Variants in VASH1 observed in about 807,000 individuals in gnomAD.
VASH1 encodes the protein tubulinyl-Tyr carboxypeptidase 1.
In VASH1, 16 loss-of-function variants were observed where a neutral mutation model predicts 35.0. The observed-to-expected ratio is 0.46, with a 90% confidence interval of 0.31 to 0.70. VASH1 has a LOEUF of 0.70. VASH1 is among the 30% of genes least tolerant of loss of function. The probability of loss-of-function intolerance (pLI) is 0.05; values close to 1 mark genes in which losing one functional copy is unlikely to be tolerated. For synonymous variants in VASH1, 214 were observed against 200.9 expected (o/e 1.07, Z -0.55); for missense variants, 505 against 510.7 (o/e 0.99, Z 0.11).
intron 3 of VASH1, 82 bp from the exon 4 acceptor site, chr14:76,773,055 G>A: frequency 7.2e-7 from 1 of 1,394,378 alleles, no homozygotes; most frequent in Non-Finnish European, 1.0e-6. Flanking sequence ...AGCATTTCTA[G>A]TCCACCCTGC....
chr14:76,771,297 T>C, intron 3 of VASH1, 51 bp downstream of exon 3: 1 of 1,536,890 alleles, frequency 6.5e-7, no homozygotes, highest in Non-Finnish European at 8.8e-7. Flanking sequence ...TGGAGCTTCT[T>C]GAAAGCCCTA....
chr14:76,780,457 T>G lies in VASH1; in HGVS notation c.*1439T>G, dbSNP rs926422901. 1 of 152,348 alleles carries G rather than the reference T, an allele frequency of 6.6e-6. No homozygotes were observed. Among genetic ancestry groups the G allele is most frequent in the African/African-American group, 2.4e-5 (1 of 41,434 alleles). The allele number at this position is 152,348 out of a possible 1,614,324, so 9.4% of individuals were successfully genotyped here. ...AAGGTTTTGTTTTACTGAGAGGCTG[T>G]AAGTCTGCCAGGGACAGCTGTCAGT... On this transcript the variant is annotated 3_prime_UTR_variant, in exon 7 of 7. Transcript: ENST00000167106.
chr14:76,765,148 A>G (rs1394686912), intron 1 of VASH1, among the ~76,000 whole-genome samples: 1 of 152,150 alleles, frequency 6.6e-6, no homozygotes, highest in Non-Finnish European at 1.5e-5. Flanking sequence ...TCAGGCCATA[A>G]AAGAGTGTGA....
At chr14:76,769,147 G>A in intron 1 of VASH1, 1 of 436,944 alleles carries the variant, frequency 2.3e-6, no homozygotes. Context: ...AGCTGTTCTT[G>A]ACCTTACCCC....
intron 1 of VASH1, among the ~76,000 whole-genome samples, chr14:76,764,580 T>C (rs536081789): frequency 1.3e-5 from 2 of 152,284 alleles, no homozygotes; most frequent in African/African-American, 4.8e-5. Context: ...AGTTTTCTTA[T>C]CAATAAGATG....
chr14:76,770,847 C>T (rs1893775244), intron 2 of VASH1, among the ~76,000 whole-genome samples: 1 of 152,176 alleles, frequency 6.6e-6, no homozygotes, highest in African/African-American at 2.4e-5. Flanking sequence ...TGAGTTGGAC[C>T]CCCTACCCTA....
intron 5 of VASH1, among the ~76,000 whole-genome samples, chr14:76,777,377 C>G (rs918104774): frequency 6.6e-6 from 1 of 152,232 alleles, no homozygotes; most frequent in Non-Finnish European, 1.5e-5. Flanking sequence ...GGGTGAGAGC[C>G]AACAGTTCCC....
At position 76,762,955 on chromosome 14, in the gene VASH1, C is replaced by T. The variant is rs1893543094; in HGVS notation, c.134C>T (p.Pro45Leu). 1 of 1,562,084 alleles carries T rather than the reference C, an allele frequency of 6.4e-7. No individual in the cohort carries two copies. The highest frequency in any genetic ancestry group is 1.7e-4 in the Middle Eastern group (1 of 5,980). ...ACCTCAGCCCAGAGAGATGAGGAGC[C>T]AGAAGAGGAAGGGGAAGAGGACCTG... ...EGTSAQRDEE[P>L]EEEGEEDLRD... Residue 45 changes from proline to leucine, a missense_variant, in exon 1 of 7, where the codon CCA becomes CTA. Physicochemically the swap from Pro to Leu is moderately conservative, Grantham distance 98. Coordinates refer to ENST00000167106, the MANE Select transcript of VASH1 (RefSeq NM_014909.5).
At chr14:76,769,814 G>T in intron 1 of VASH1, 149 bp from the exon 2 acceptor site, 1 of 792,310 alleles carries the variant, frequency 1.3e-6, no homozygotes, top group South Asian at 1.5e-5. Context: ...GAATGAGTGG[G>T]GTGCCAAGAA....
chr14:76,778,196 A>C, intron 6 of VASH1, 125 bp downstream of exon 6: 1 of 688,956 alleles, frequency 1.5e-6, no homozygotes, highest in Admixed American at 4.4e-5. Context: ...CACCCAAGGG[A>C]GGTGACTTGG....
intron 5 of VASH1, 22 bp downstream of exon 5, chr14:76,776,295 T>C: frequency 6.8e-7 from 1 of 1,473,406 alleles, no homozygotes; most frequent in Non-Finnish European, 9.1e-7. Context: ...TTCCACGCCC[T>C]CGCCCCCTCC....
chr14:76,765,835 C>T (rs1893627990), intron 1 of VASH1, among the ~76,000 whole-genome samples: 1 of 152,182 alleles, frequency 6.6e-6, no homozygotes, highest in Non-Finnish European at 1.5e-5. Flanking sequence ...CACTCACCTA[C>T]CAGGCCTGCC....
intron 3 of VASH1, among the ~76,000 whole-genome samples, chr14:76,771,855 AG>A (rs1893803034): frequency 6.6e-6 from 1 of 152,176 alleles, no homozygotes; most frequent in Non-Finnish European, 1.5e-5. Flanking sequence ...TGAAGCCCCG[AG>A]GGCAGAGGAG....
intron 4 of VASH1, chr14:76,773,763 T>G (rs1267497100): frequency 6.5e-6 from 1 of 154,518 alleles, no homozygotes; most frequent in Admixed American, 6.5e-5. Flanking sequence ...CAGGAGAGGC[T>G]GTCCTCCCCA....
At chr14:76,767,244 C>CAATAAACAAATAAATA (rs1555358671) in intron 1 of VASH1, among the ~76,000 whole-genome samples, 1 of 136,222 alleles carries the variant, frequency 7.3e-6, no homozygotes. Context: ...AACTCTGTCT[C>CAATAAACAAATAAATA]AATAAATAAA....
intron 1 of VASH1, among the ~76,000 whole-genome samples, chr14:76,766,880 C>T (rs1378960462): frequency 6.6e-6 from 1 of 152,186 alleles, no homozygotes; most frequent in Admixed American, 6.5e-5. Context: ...GCATCTCATT[C>T]GCACTATAAG....
chr14:76,768,442 C>G (rs541153318), intron 1 of VASH1, among the ~76,000 whole-genome samples: 2 of 152,100 alleles, frequency 1.3e-5, no homozygotes, highest in African/African-American at 2.4e-5. Context: ...AGGAGAAGAC[C>G]GACGGGAGGG....
At chr14:76,764,446 G>C (rs1237356698) in intron 1 of VASH1, among the ~76,000 whole-genome samples, 1 of 152,110 alleles carries the variant, frequency 6.6e-6, no homozygotes. Flanking sequence ...TATAAATTTT[G>C]GGGTTCATCT....
intron 5 of VASH1, 97 bp downstream of exon 5, chr14:76,776,370 G>A: frequency 7.1e-7 from 1 of 1,416,158 alleles, no homozygotes; most frequent in Non-Finnish European, 9.3e-7. Context: ...AGCTTCTCAG[G>A]GGACTGGGGT....
Sources: allele counts gnomAD v4.1 joint callset (sites outside exome capture counted in the v4.1 genomes callset), GRCh38; gene constraint gnomAD v4.1.1; transcripts MANE v1.5; gene names NCBI Gene and HGNC (gene_info 2026-07-23, HGNC 2026-07-21).